TSNARE1: variants seen among roughly 807,000 people sequenced by gnomAD.
TSNARE1 encodes the protein t-SNARE domain-containing protein 1.
In TSNARE1, 49 loss-of-function variants were observed where a neutral mutation model predicts 62.0. That is an observed-to-expected ratio of 0.79 (90% CI 0.63 to 1.00). The LOEUF is 1.00. TSNARE1 is among the 50% of genes least tolerant of loss of function. The pLI is 0.00. For missense variants in TSNARE1, 755 were observed against 700.1 expected, an observed-to-expected ratio of 1.08 and a Z score of -0.88; for synonymous variants, 328 against 294.4, an observed-to-expected ratio of 1.11 and a Z score of -1.17.
At chr8:142,282,450 T>G (rs1306433736) in intron 11 of TSNARE1, among the ~76,000 whole-genome samples, 4 of 151,554 alleles carry the variant, frequency 2.6e-5, no homozygotes, top group Non-Finnish European at 4.4e-5. Flanking sequence ...CCAGTGTCTA[T>G]CAATGAGCAA....
At chr8:142,271,588 G>A (rs368020977) in intron 12 of TSNARE1, 36 of 1,427,378 alleles carry the variant, frequency 2.5e-5, no homozygotes, top group African/African-American at 1.5e-4. Context: ...TGGGTGCGTG[G>A]AAGACTCCTC....
At chr8:142,321,805 T>G (rs1438027050) in intron 6 of TSNARE1, among the ~76,000 whole-genome samples, 1 of 152,180 alleles carries the variant, frequency 6.6e-6, no homozygotes, top group Non-Finnish European at 1.5e-5. Context: ...AGAAGTAAAT[T>G]TGTGCTTAAA....
At chr8:142,230,669 G>A (rs1817057860) in intron 12 of TSNARE1, among the ~76,000 whole-genome samples, 1 of 152,116 alleles carries the variant, frequency 6.6e-6, no homozygotes, top group Admixed American at 6.5e-5. Context: ...ACTGGATAGG[G>A]GAGAGGAGGG....
At chr8:142,362,759 G>A (rs1587018252) in intron 1 of TSNARE1, among the ~76,000 whole-genome samples, 1 of 152,212 alleles carries the variant, frequency 6.6e-6, no homozygotes, top group Non-Finnish European at 1.5e-5. Context: ...TCCCAGTCCA[G>A]GAGCAGAAGA....
intron 12 of TSNARE1, among the ~76,000 whole-genome samples, chr8:142,259,001 C>T (rs1269736020): frequency 6.6e-6 from 1 of 152,226 alleles, no homozygotes; most frequent in African/African-American, 2.4e-5. Flanking sequence ...TGAGCCACCG[C>T]TTTGCACGGT....
chr8:142,396,211 G>T (rs1228777611), intron 1 of TSNARE1, among the ~76,000 whole-genome samples: 2 of 151,932 alleles, frequency 1.3e-5, no homozygotes, highest in Non-Finnish European at 2.9e-5. Context: ...GACACCCAGG[G>T]TCAGGCTCAG....
intron 2 of TSNARE1, among the ~76,000 whole-genome samples, chr8:142,353,759 C>A (rs947485579): frequency 1.3e-5 from 2 of 152,322 alleles, no homozygotes; most frequent in African/African-American, 4.8e-5. Flanking sequence ...AGGGAGGAAC[C>A]ACCCCAGCAG....
In TSNARE1 at chr8:142,322,550, A is replaced by G. The variant is rs1829616615; in HGVS notation, c.894-3916T>C. On this transcript the variant is annotated intron_variant, in intron 6 of 13. Transcript: ENST00000524325. ...CACAAAGAAGCTCCAGGAACTAATC[A>G]GCGAGTGAATCTATGCAGGTCACAG... is the stretch of plus-strand genomic sequence containing the variant. 2.0e-5 allele frequency among the ~76,000 whole-genome samples: 3 copies of G among 152,276 alleles called. No individual in the cohort carries two copies. The South Asian group carries it at 6.2e-4, about 32-fold the overall frequency.
chr8:142,277,782 G>A (rs961666997), intron 11 of TSNARE1: 4 of 985,242 alleles, frequency 4.1e-6, no homozygotes, highest in East Asian at 2.3e-4. Flanking sequence ...TCGAGGCTGG[G>A]TCTCAGTCTA....
chr8:142,394,533 TG>T (rs1472776606), intron 1 of TSNARE1, among the ~76,000 whole-genome samples: 1 of 152,206 alleles, frequency 6.6e-6, no homozygotes, highest in Non-Finnish European at 1.5e-5. Flanking sequence ...TCGACTCACC[TG>T]GAAGTGCCCC....
chr8:142,256,739 G>C (rs1488165145), intron 12 of TSNARE1, among the ~76,000 whole-genome samples: 3 of 152,212 alleles, frequency 2.0e-5, no homozygotes, highest in African/African-American at 7.2e-5. Flanking sequence ...TAAGCAATAT[G>C]CTCGAAGTTG....
intron 1 of TSNARE1, 65 bp from the exon 2 acceptor site, chr8:142,354,828 G>A: frequency 1.1e-6 from 1 of 927,400 alleles, no homozygotes. Flanking sequence ...TCCAATTCAG[G>A]GTGCACAGGG....
At chr8:142,280,715 G>A (rs1821283123) in intron 11 of TSNARE1, among the ~76,000 whole-genome samples, 1 of 152,200 alleles carries the variant, frequency 6.6e-6, no homozygotes, top group East Asian at 1.9e-4. Flanking sequence ...GCGCTCCACA[G>A]ACTCAGCACA....
intron 13 of TSNARE1, among the ~76,000 whole-genome samples, chr8:142,222,375 CT>C (rs1816361019): frequency 9.6e-6 from 1 of 104,098 alleles, no homozygotes; most frequent in Non-Finnish European, 2.1e-5. Context: ...CACTAATTCA[CT>C]CACTCACTCA....
At chr8:142,392,335 T>C (rs1381662160) in intron 1 of TSNARE1, among the ~76,000 whole-genome samples, 1 of 152,110 alleles carries the variant, frequency 6.6e-6, no homozygotes, top group African/African-American at 2.4e-5. Context: ...TTTTTTTTAA[T>C]AAGTAAAAGG....
At chr8:142,371,308 G>GA (rs962904696) in intron 1 of TSNARE1, among the ~76,000 whole-genome samples, 5 of 151,998 alleles carry the variant, frequency 3.3e-5, no homozygotes, top group East Asian at 1.9e-4. Flanking sequence ...CATGAAGGGG[G>GA]AAAAAAAACC....
rs10435683 is a variant in TSNARE1 at position 142,331,775 on chromosome 8, C to T, written c.802G>A (p.Val268Ile). ...QELFQEMSAN[V>I]FRINSSVTSL... is the part of the protein sequence containing the mutation. ...TCACCACTGGAGTTGATTCGGAAGA[C>T]GTTGGCCGACATCTCCTGGAACAGC... Residue 268 changes from valine to isoleucine, a missense_variant, in exon 5 of 14, where the codon GTC (valine) becomes ATC (isoleucine). Physicochemically the swap from Val to Ile is conservative, Grantham distance 29. Coordinates refer to ENST00000524325, the MANE Select transcript of TSNARE1 (RefSeq NM_145003.5). 552,887 of 1,601,154 alleles carry T rather than the reference C, an allele frequency of 0.35. 98,318 individuals carry two copies. The highest frequency in any genetic ancestry group is 0.51 in the East Asian group (22,584 of 44,078).
intron 10 of TSNARE1, among the ~76,000 whole-genome samples, chr8:142,286,396 T>C (rs967319993): frequency 1.3e-5 from 2 of 152,152 alleles, no homozygotes; most frequent in Non-Finnish European, 2.9e-5. Context: ...ATGAAGCAAT[T>C]AGCATGATCT....
At chr8:142,387,911 C>T (rs1216833486) in intron 1 of TSNARE1, among the ~76,000 whole-genome samples, 1 of 152,066 alleles carries the variant, frequency 6.6e-6, no homozygotes, top group African/African-American at 2.4e-5. Flanking sequence ...GTTTATGAAG[C>T]AACTATAATG....
Sources: allele counts gnomAD v4.1 joint callset (sites outside exome capture counted in the v4.1 genomes callset), GRCh38; gene constraint gnomAD v4.1.1; transcripts MANE v1.5; gene names NCBI Gene and HGNC (gene_info 2026-07-23, HGNC 2026-07-21).